NEBL: variants seen among roughly 807,000 people sequenced by gnomAD.
The protein encoded by NEBL is nebulette.
NEBL carries 122 observed loss-of-function variants against 140.2 expected under a neutral mutation model. The observed-to-expected ratio is 0.87, with a 90% CI of 0.75 to 1.01. The LOEUF (loss-of-function observed/expected upper bound fraction) is 1.01, where lower values mean the gene tolerates loss of function less well. NEBL is among the 50% of genes least tolerant of loss of function. The pLI is 0.00. For synonymous variants in NEBL, 436 were observed against 398.9 expected (o/e 1.09, Z -1.11); for missense variants, 1,365 against 1,231.3 (o/e 1.11, Z -1.62).
chr10:21,099,351 C>T lies in NEBL; in HGVS notation c.164+73032G>A, dbSNP rs539834508. 3.9e-5 allele frequency among the ~76,000 whole-genome samples: 6 copies of T among 152,256 alleles called. No homozygotes were observed. The East Asian group carries it at 7.7e-4, about 20-fold the overall frequency. ...TCAGCTTGCTTCCCTCCTCTCCTTTCGCGTCCTCCCCTGTCTGGTGCCAGC... is the reference window on the plus strand; with the variant it reads ...TCAGCTTGCTTCCCTCCTCTCCTTTTGCGTCCTCCCCTGTCTGGTGCCAGC... On this transcript the variant is annotated intron_variant, in intron 2 of 6. Transcript: ENST00000417816.
chr10:21,257,656 C>T (rs987873574), intron 1 of NEBL, among the ~76,000 whole-genome samples: 2 of 152,058 alleles, frequency 1.3e-5, no homozygotes, highest in South Asian at 2.1e-4. Context: ...GAGGCCGAGG[C>T]GGGCGGATCA....
intron 3 of NEBL, among the ~76,000 whole-genome samples, chr10:21,017,761 C>T (rs541546445): frequency 1.3e-5 from 2 of 152,024 alleles, no homozygotes; most frequent in South Asian, 4.2e-4. Flanking sequence ...CTTCAAGGCT[C>T]CATTCAAATC....
chr10:20,909,758 A>T (rs1441628386), intron 4 of NEBL, among the ~76,000 whole-genome samples: 1 of 152,146 alleles, frequency 6.6e-6, no homozygotes, highest in Non-Finnish European at 1.5e-5. Flanking sequence ...TTCACCATAA[A>T]ATATTGAAAC....
At chr10:20,855,546 CTT>C (rs1842985169) in intron 9 of NEBL, among the ~76,000 whole-genome samples, 2 of 149,108 alleles carry the variant, frequency 1.3e-5, no homozygotes, top group African/African-American at 4.9e-5. Context: ...CGAAGGAAAA[CTT>C]AATTGAATTA....
At chr10:21,149,616 A>C (rs1840060365) in intron 2 of NEBL, among the ~76,000 whole-genome samples, 1 of 152,182 alleles carries the variant, frequency 6.6e-6, no homozygotes, top group African/African-American at 2.4e-5. Flanking sequence ...TAAACCAGTA[A>C]ACATAAGCAA....
intron 3 of NEBL, among the ~76,000 whole-genome samples, chr10:21,239,755 C>A (rs948693091): frequency 7.9e-5 from 12 of 152,124 alleles, no homozygotes; most frequent in Admixed American, 7.9e-4. Flanking sequence ...CGGTGGCTCA[C>A]GCCTGTAATC....
chr10:20,932,495 A>G (rs1834242080), intron 4 of NEBL, among the ~76,000 whole-genome samples: 1 of 152,190 alleles, frequency 6.6e-6, no homozygotes, highest in South Asian at 2.1e-4. Flanking sequence ...AATCTAAATG[A>G]TGGGTTGATA....
chr10:21,109,573 G>C (rs1239319555), intron 2 of NEBL, among the ~76,000 whole-genome samples: 2 of 152,132 alleles, frequency 1.3e-5, no homozygotes, highest in Admixed American at 1.3e-4. Flanking sequence ...CAGAAGGAAT[G>C]GTTCCATCTC....
At chr10:21,027,583 G>A (rs1452506179) in intron 2 of NEBL, among the ~76,000 whole-genome samples, 1 of 152,056 alleles carries the variant, frequency 6.6e-6, no homozygotes, top group East Asian at 1.9e-4. Flanking sequence ...AATCAATTCA[G>A]CCTTCCAAAG....
At chr10:20,798,426 C>A (rs1289901953) in intron 26 of NEBL, among the ~76,000 whole-genome samples, 1 of 152,144 alleles carries the variant, frequency 6.6e-6, no homozygotes, top group Non-Finnish European at 1.5e-5. Context: ...CTGTGGAGAT[C>A]ACATTATGAC....
chr10:20,985,109 A>G (rs745515962), intron 3 of NEBL, among the ~76,000 whole-genome samples: 2 of 152,196 alleles, frequency 1.3e-5, no homozygotes, highest in Non-Finnish European at 2.9e-5. Flanking sequence ...TATGTATTAC[A>G]ATGTAATAAT....
chr10:20,899,445 A>G, upstream of NEBL: 5 of 1,296,450 alleles, frequency 3.9e-6, no homozygotes, highest in Non-Finnish European at 5.1e-6. Context: ...GGGACTCTTC[A>G]CTGTGCTGCA....
chr10:21,123,785 TTA>T (rs1486596671), intron 2 of NEBL, among the ~76,000 whole-genome samples: 1 of 150,508 alleles, frequency 6.6e-6, no homozygotes, highest in African/African-American at 2.4e-5. Context: ...ATATATAATT[TTA>T]TATATTATAT....
At chr10:20,822,919 C>T (rs1839484457) in intron 19 of NEBL, among the ~76,000 whole-genome samples, 2 of 152,136 alleles carry the variant, frequency 1.3e-5, no homozygotes, top group South Asian at 4.1e-4. Flanking sequence ...CAATATTTCA[C>T]CTCTCATCCT....
chr10:20,938,786 C>T (rs965178046), intron 4 of NEBL, among the ~76,000 whole-genome samples: 17 of 152,140 alleles, frequency 1.1e-4, no homozygotes, highest in Middle Eastern at 6.8e-3. Flanking sequence ...AACTACGTGA[C>T]GAATGCACGA....
intron 4 of NEBL, among the ~76,000 whole-genome samples, chr10:20,914,603 T>C (rs932271521): frequency 2.6e-5 from 4 of 152,192 alleles, no homozygotes; most frequent in Non-Finnish European, 5.9e-5. Context: ...ATTTTGGTAG[T>C]TTATATATTT....
At chr10:21,012,304 A>G (rs1405827468) in intron 3 of NEBL, among the ~76,000 whole-genome samples, 1 of 152,110 alleles carries the variant, frequency 6.6e-6, no homozygotes, top group Non-Finnish European at 1.5e-5. Context: ...ATGGCAGAGC[A>G]TGATTTATGT....
At chr10:21,156,069 A>G (rs1840326141) in intron 2 of NEBL, among the ~76,000 whole-genome samples, 1 of 152,180 alleles carries the variant, frequency 6.6e-6, no homozygotes, top group Non-Finnish European at 1.5e-5. Flanking sequence ...ATCACACCAC[A>G]AGTGCTGAAT....
intron 3 of NEBL, among the ~76,000 whole-genome samples, chr10:21,240,854 AAAG>A (rs893765267): frequency 6.6e-6 from 1 of 151,786 alleles, no homozygotes; most frequent in Non-Finnish European, 1.5e-5. Context: ...CCTGGGAAGA[AAAG>A]GAGGAGGAAC....
Sources: gnomAD v4.1 joint callset for allele counts (sites outside exome capture counted in the v4.1 genomes callset) on GRCh38, gnomAD v4.1.1 for gene constraint, MANE v1.5 for transcripts, NCBI Gene and HGNC (gene_info 2026-07-23, HGNC 2026-07-21) for gene names.